ATP2C1: variants seen among roughly 807,000 people sequenced by gnomAD.
ATP2C1 encodes the protein calcium-transporting ATPase type 2C member 1.
In ATP2C1, 31 loss-of-function variants were observed where a neutral mutation model predicts 120.5. That is an observed-to-expected ratio of 0.26 (90% confidence interval 0.19 to 0.35). The LOEUF is 0.35. ATP2C1 is among the 10% of genes least tolerant of loss of function. ATP2C1 has a pLI of 1.00. For synonymous variants in ATP2C1, 351 were observed against 358.7 expected, an observed-to-expected ratio of 0.98 and a Z score of 0.24; for missense variants, 731 against 1,107.5, an observed-to-expected ratio of 0.66 and a Z score of 4.83.
chr3:130,896,074 CAAAG>C (rs1277597278), intron 2 of ATP2C1, among the ~76,000 whole-genome samples: 3 of 152,172 alleles, frequency 2.0e-5, no homozygotes, highest in African/African-American at 7.2e-5. Flanking sequence ...GCACATGAGA[CAAAG>C]AATGTTAAAT....
intron 2 of ATP2C1, among the ~76,000 whole-genome samples, chr3:130,911,968 C>G (rs1426279136): frequency 5.3e-5 from 7 of 131,798 alleles, no homozygotes; most frequent in Admixed American, 8.0e-5. Context: ...ACTATCTGAT[C>G]TTTGACAAAC....
chr3:130,852,720 A>G (rs1308525574), intron 1 of ATP2C1, among the ~76,000 whole-genome samples: 1 of 152,214 alleles, frequency 6.6e-6, no homozygotes, highest in Non-Finnish European at 1.5e-5. Context: ...GCTTGTTGGG[A>G]AGTTATAAAG....
At chr3:130,998,467 T>G in intron 26 of ATP2C1, 78 bp downstream of exon 26, 1 of 1,096,896 alleles carries the variant, frequency 9.1e-7, no homozygotes, top group Non-Finnish European at 1.4e-6. Context: ...AGGCAAAGAT[T>G]ATGGGTTTTT....
intron 2 of ATP2C1, among the ~76,000 whole-genome samples, chr3:130,901,082 G>A (rs1192234051): frequency 1.3e-5 from 2 of 152,128 alleles, no homozygotes; most frequent in African/African-American, 4.8e-5. Context: ...TTTGAAGCAG[G>A]CAAAAGCAGT....
chr3:130,949,410 C>T (rs978165988), intron 8 of ATP2C1, among the ~76,000 whole-genome samples: 3 of 152,088 alleles, frequency 2.0e-5, no homozygotes, highest in Admixed American at 2.0e-4. Flanking sequence ...TCTGTGAAGG[C>T]CGAGAGAAGT....
At chr3:130,930,793 A>G (rs551471571) in intron 3 of ATP2C1, among the ~76,000 whole-genome samples, 3 of 152,248 alleles carry the variant, frequency 2.0e-5, no homozygotes, top group African/African-American at 4.8e-5. Context: ...TTAAATAACT[A>G]CAGGTGGCTT....
downstream of ATP2C1, among the ~76,000 whole-genome samples, chr3:131,008,023 A>G (rs755624201): frequency 6.6e-6 from 1 of 152,186 alleles, no homozygotes; most frequent in Non-Finnish European, 1.5e-5. Flanking sequence ...GTATTTTTCT[A>G]TGTGGAGTGG....
chr3:131,007,816 CTG>C (rs1403394822), downstream of ATP2C1, among the ~76,000 whole-genome samples: 1 of 152,190 alleles, frequency 6.6e-6, no homozygotes, highest in Non-Finnish European at 1.5e-5. Context: ...TGCAGGCATA[CTG>C]TGAAACACGT....
Position 130,941,625 on chromosome 3 carries a change from C to T in ATP2C1, c.457C>T (p.Arg153Ter), listed in dbSNP as rs776982434. 4 of 1,613,838 alleles carry T rather than the reference C, an allele frequency of 2.5e-6. No individual in the cohort carries two copies. The highest frequency in any genetic ancestry group is 1.3e-5 in the African/African-American group (1 of 74,910). Residue 153 changes from arginine (R) to a stop codon, truncating the protein, a stop_gained, in exon 8 of 28, where the codon CGA becomes TGA. Coordinates refer to ENST00000510168, the MANE Select transcript of ATP2C1 (RefSeq NM_001378687.1). LOFTEE classifies it high-confidence loss of function. ...REGKLEHTLARDLVPGDTVCL... is the reference protein window; with the variant it reads ...REGKLEHTLA ...AGGAAAATTGGAGCATACACTTGCC[C>T]GAGACTTGGTTCCAGGTGATACAGT...
intron 2 of ATP2C1, among the ~76,000 whole-genome samples, chr3:130,912,427 C>A (rs2058469817): frequency 6.6e-6 from 1 of 151,436 alleles, no homozygotes; most frequent in Admixed American, 6.6e-5. Context: ...ACAACCCCAT[C>A]AAAAAGTGGG....
intron 6 of ATP2C1, among the ~76,000 whole-genome samples, chr3:130,939,890 C>T (rs1378593597): frequency 6.6e-6 from 1 of 152,198 alleles, no homozygotes; most frequent in Non-Finnish European, 1.5e-5. Context: ...GCCTCTCCCT[C>T]TTTTGACCTT....
chr3:130,950,263 C>T (rs942846080), intron 8 of ATP2C1, among the ~76,000 whole-genome samples: 3 of 152,086 alleles, frequency 2.0e-5, no homozygotes, highest in East Asian at 1.9e-4. Context: ...AGCATATTCA[C>T]ACCTCCACCA....
intron 2 of ATP2C1, among the ~76,000 whole-genome samples, chr3:130,922,903 A>G (rs2059031379): frequency 6.6e-6 from 1 of 152,184 alleles, no homozygotes; most frequent in Non-Finnish European, 1.5e-5. Flanking sequence ...AGAATGTTCC[A>G]TCTGCTGGTG....
chr3:131,008,569 G>GGCAGCAAAGGTGAGCAGTT (rs900493677), intron 26 of ATP2C1, among the ~76,000 whole-genome samples: 3 of 152,084 alleles, frequency 2.0e-5, no homozygotes, highest in Non-Finnish European at 4.4e-5. Flanking sequence ...GTCATGCTGT[G>GGCAGCAAAGGTGAGCAGTT]GCAGCAAAGG....
rs1160503287 is a variant in ATP2C1 at position 131,001,448 on chromosome 3, A to C, written c.*98A>C. ...GGATATGAAGATTTGAGAACTTTTT[A>C]ACTATTCATTGACTAAAAATGAACA... is the stretch of plus-strand genomic sequence containing the variant. On this transcript the variant is annotated 3_prime_UTR_variant, in exon 28 of 28. Coordinates refer to ENST00000510168, the MANE Select transcript of ATP2C1 (RefSeq NM_001378687.1). 8.7e-6 allele frequency: 13 copies of C among 1,498,210 alleles called. No homozygotes were observed. The highest frequency in any genetic ancestry group is 1.4e-5 in the African/African-American group (1 of 71,130). The allele number at this position is 1,498,210 out of a possible 1,614,324, so 92.8% of individuals were successfully genotyped here.
intron 17 of ATP2C1, among the ~76,000 whole-genome samples, chr3:130,973,286 G>A (rs2061410090): frequency 6.6e-6 from 1 of 152,114 alleles, no homozygotes; most frequent in Non-Finnish European, 1.5e-5. Context: ...TGGGGTGAGG[G>A]ATAAACACAA....
intron 2 of ATP2C1, among the ~76,000 whole-genome samples, chr3:130,899,116 C>CA (rs1051714787): frequency 4.6e-5 from 7 of 151,602 alleles, no homozygotes; most frequent in East Asian, 1.9e-4. Flanking sequence ...AAGGATCTCT[C>CA]AAAAAAAAGG....
chr3:130,895,775 G>T (rs1462925853), intron 2 of ATP2C1, among the ~76,000 whole-genome samples: 4 of 152,182 alleles, frequency 2.6e-5, no homozygotes, highest in African/African-American at 9.7e-5. Context: ...TTTTGAAATG[G>T]GTGTTTCTTA....
chr3:130,905,757 T>G (rs761166523), intron 2 of ATP2C1, among the ~76,000 whole-genome samples: 27 of 152,104 alleles, frequency 1.8e-4, no homozygotes, highest in Admixed American at 3.3e-4. Context: ...TTAAAAGGAC[T>G]GGATTTGCTT....
Sources: allele counts gnomAD v4.1 joint callset (sites outside exome capture counted in the v4.1 genomes callset), GRCh38; gene constraint gnomAD v4.1.1; transcripts MANE v1.5; gene names NCBI Gene and HGNC (gene_info 2026-07-23, HGNC 2026-07-21).